ADRA1D: variants seen among roughly 807,000 people sequenced by gnomAD.
ADRA1D encodes the protein adrenoceptor alpha 1D, also known as alpha-1D adrenergic receptor.
Under a neutral mutation model 18.6 loss-of-function variants are expected in ADRA1D, and 22 were observed. The observed-to-expected ratio is 1.19, with a 90% CI of 0.85 to 1.69. The LOEUF is 1.69. Ranked by LOEUF, ADRA1D falls within the 40% of genes most tolerant of loss-of-function variation. The pLI is 0.00. For synonymous variants in ADRA1D, 376 were observed against 388.2 expected, an observed-to-expected ratio of 0.97 and a Z score of 0.37; for missense variants, 840 against 840.7, an observed-to-expected ratio of 1.00 and a Z score of 0.01.
chr20:4,227,215 C>T (rs997866138), intron 1 of ADRA1D, among the ~76,000 whole-genome samples: 5 of 152,206 alleles, frequency 3.3e-5, no homozygotes, highest in Admixed American at 1.3e-4. Context: ...TGCACTCTGG[C>T]CACAAGGGGC....
rs769657233 is a variant in ADRA1D at position 4,248,655 on chromosome 20, G to GACGCCC, written c.297_302dup (p.Gly100_Val101dup). 1.4e-5 allele frequency: 22 copies of GACGCCC among 1,609,448 alleles called. No homozygotes were observed. The Admixed American group carries it at 2.2e-4, about 16-fold the overall frequency. On this transcript the variant is annotated inframe_insertion, in exon 1 of 2. Coordinates refer to ENST00000379453, the MANE Select transcript of ADRA1D (RefSeq NM_000678.4). ...CCATAAGGATGAAGGCTGCCAGGAAGACGCCCACGCCCACGCCCTGCGCGC... is the reference window on the plus strand; with the variant it reads ...CCATAAGGATGAAGGCTGCCAGGAAGACGCCCACGCCCACGCCCACGCCCTGCGCGC...
chr20:4,240,040 A>G (rs1182836547), intron 1 of ADRA1D, among the ~76,000 whole-genome samples: 2 of 152,244 alleles, frequency 1.3e-5, no homozygotes, highest in Non-Finnish European at 2.9e-5. Context: ...CTGACAGCAC[A>G]TGAATTCTGG....
At chr20:4,232,656 G>A (rs976537934) in intron 1 of ADRA1D, among the ~76,000 whole-genome samples, 1 of 152,232 alleles carries the variant, frequency 6.6e-6, no homozygotes, top group Non-Finnish European at 1.5e-5. Context: ...TTTCAGGCTT[G>A]AAGTCAGATG....
intron 1 of ADRA1D, among the ~76,000 whole-genome samples, chr20:4,227,704 C>CCTTCCTTCCT (rs1980839730): frequency 1.1e-5 from 1 of 92,542 alleles, no homozygotes; most frequent in African/African-American, 4.5e-5. Flanking sequence ...CCCTCCCTCC[C>CCTTCCTTCCT]TCCTTCCTTC....
intron 1 of ADRA1D, among the ~76,000 whole-genome samples, chr20:4,237,561 C>A (rs910954245): frequency 6.6e-6 from 1 of 151,796 alleles, no homozygotes; most frequent in African/African-American, 2.4e-5. Context: ...GTGCCCTTAG[C>A]CCTGGGGCAG....
chr20:4,248,308 A>G lies in ADRA1D; in HGVS notation c.650T>C (p.Leu217Pro). 1.9e-6 allele frequency: 3 copies of G among 1,607,390 alleles called. No homozygotes were observed. The highest frequency in any genetic ancestry group is 2.5e-6 in the Non-Finnish European group (3 of 1,177,158). The change falls in exon 1 of 2, where the codon CTG becomes CCG. Residue 217 changes from leucine (L) to proline (P), a missense_variant. Leu to Pro is a moderately conservative substitution (Grantham distance 98). Coordinates refer to ENST00000379453, the MANE Select transcript of ADRA1D (RefSeq NM_000678.4). ...IMTERKAAAILALLWVVALVV... is the reference protein window; with the variant it reads ...IMTERKAAAIPALLWVVALVV... Reference sequence around the variant, plus strand: ...CAGGGCTACGACCCAGAGCAGGGCCAGGATGGCGGCCGCCTTGCGCTCGGT... The same window carrying G: ...CAGGGCTACGACCCAGAGCAGGGCCGGGATGGCGGCCGCCTTGCGCTCGGT...
chr20:4,240,847 G>A (rs767916987), intron 1 of ADRA1D, among the ~76,000 whole-genome samples: 4 of 152,086 alleles, frequency 2.6e-5, no homozygotes, highest in Non-Finnish European at 5.9e-5. Flanking sequence ...CAGTGGGTGA[G>A]GATGGAAAGA....
Position 4,248,227 on chromosome 20 carries a change from C to G in ADRA1D, c.731G>C (p.Arg244Pro), listed in dbSNP as rs776320875. 4 of 1,600,990 alleles carry G rather than the reference C, an allele frequency of 2.5e-6. No homozygotes were observed. Among genetic ancestry groups the G allele is most frequent in the Non-Finnish European group, 3.4e-6 (4 of 1,174,200 alleles). ...CGCCTCCTCGGTGATACCGCAGAAG[C>G]GCTCGTCAGGGGGCACGGGCTCCTT... is the stretch of plus-strand genomic sequence containing the variant. The part of the protein sequence containing the change: ...GWKEPVPPDE[R>P]FCGITEEAGY... The change falls in exon 1 of 2, where the codon CGC becomes CCC. Residue 244 changes from arginine to proline, a missense_variant. By Grantham distance (103) the Arg-to-Pro change is moderately radical. Transcript: ENST00000379453.
intron 1 of ADRA1D, among the ~76,000 whole-genome samples, chr20:4,246,665 T>G (rs1384797966): frequency 1.3e-5 from 2 of 152,200 alleles, no homozygotes; most frequent in African/African-American, 4.8e-5. Context: ...GTGGTCCCAG[T>G]GTAAATATTC....
intron 1 of ADRA1D, 105 bp downstream of exon 1, chr20:4,247,742 C>A: frequency 1.5e-6 from 2 of 1,319,002 alleles, no homozygotes; most frequent in South Asian, 1.8e-5. Flanking sequence ...CTTGCTAAGT[C>A]AACCTTCTAG....
At chr20:4,228,892 G>A (rs1980884208) in intron 1 of ADRA1D, among the ~76,000 whole-genome samples, 1 of 152,090 alleles carries the variant, frequency 6.6e-6, no homozygotes, top group African/African-American at 2.4e-5. Flanking sequence ...TTCTCTCCAC[G>A]TCTCCAGCCC....
intron 1 of ADRA1D, among the ~76,000 whole-genome samples, chr20:4,241,098 G>C (rs1465373673): frequency 6.6e-6 from 1 of 152,090 alleles, no homozygotes; most frequent in African/African-American, 2.4e-5. Flanking sequence ...CAAGTAAAGA[G>C]AGTTGACTTT....
chr20:4,221,939 C>G lies in ADRA1D; in HGVS notation c.1303G>C (p.Gly435Arg). Residue 435 changes from glycine to arginine, a missense_variant, in exon 2 of 2, where the codon GGC becomes CGC. Gly to Arg is a moderately radical substitution (Grantham distance 125). Transcript: ENST00000379453. The part of the protein sequence containing the change: ...RRRRPLWRVY[G>R]HHWRASTSGL... ...CTGGTGGAGGCCCGCCAGTGGTGGCCGTAGACACGCCAGAGAGGGCGGCGG... is the reference window on the plus strand; with the variant it reads ...CTGGTGGAGGCCCGCCAGTGGTGGCGGTAGACACGCCAGAGAGGGCGGCGG... The G allele has an allele frequency of 6.5e-7, 1 of 1,539,338 alleles. No individual in the cohort carries two copies. Among genetic ancestry groups the G allele is most frequent in the East Asian group, 2.5e-5 (1 of 40,286 alleles).
At chr20:4,227,309 A>G (rs920171260) in intron 1 of ADRA1D, among the ~76,000 whole-genome samples, 1 of 152,146 alleles carries the variant, frequency 6.6e-6, no homozygotes, top group Non-Finnish European at 1.5e-5. Flanking sequence ...CTCCAGTGGC[A>G]TCTCCTTCTG....
chr20:4,244,941 C>A (rs1180724578), intron 1 of ADRA1D, among the ~76,000 whole-genome samples: 1 of 152,220 alleles, frequency 6.6e-6, no homozygotes, highest in Non-Finnish European at 1.5e-5. Flanking sequence ...AAGCCTGGTG[C>A]AGCACAGACC....
chr20:4,247,451 G>A (rs1339233661), intron 1 of ADRA1D, among the ~76,000 whole-genome samples: 1 of 152,166 alleles, frequency 6.6e-6, no homozygotes, highest in Non-Finnish European at 1.5e-5. Context: ...ACCCATGAAT[G>A]AACACATGTA....
intron 1 of ADRA1D, among the ~76,000 whole-genome samples, chr20:4,237,936 G>C (rs1981134226): frequency 6.6e-6 from 1 of 150,734 alleles, no homozygotes; most frequent in South Asian, 2.1e-4. Context: ...CCCAGCCTGA[G>C]AGGATATTCT....
At chr20:4,245,216 C>A (rs1981306683) in intron 1 of ADRA1D, among the ~76,000 whole-genome samples, 1 of 152,202 alleles carries the variant, frequency 6.6e-6, no homozygotes, top group African/African-American at 2.4e-5. Context: ...GGAATACTCT[C>A]AAATGTACTG....
chr20:4,231,943 C>T (rs1555821161), intron 1 of ADRA1D, among the ~76,000 whole-genome samples: 1 of 151,990 alleles, frequency 6.6e-6, no homozygotes, highest in Non-Finnish European at 1.5e-5. Context: ...GACAGAGTAT[C>T]GCTCTCTTGC....
Sources: gnomAD v4.1 joint callset for allele counts (sites outside exome capture counted in the v4.1 genomes callset) on GRCh38, gnomAD v4.1.1 for gene constraint, MANE v1.5 for transcripts, NCBI Gene and HGNC (gene_info 2026-07-23, HGNC 2026-07-21) for gene names.